Variants in KCNAB3 observed in about 807,000 individuals in gnomAD.
KCNAB3 encodes potassium voltage-gated channel subfamily A regulatory beta subunit 3.
In KCNAB3, 62 loss-of-function variants were observed where a neutral mutation model predicts 67.7. The ratio of observed to expected loss-of-function variants is 0.92; its 90% CI spans 0.75 to 1.13. The LOEUF (loss-of-function observed/expected upper bound fraction) is 1.13. Among genes scored for constraint, KCNAB3 ranks in the 50% most tolerant of loss-of-function variants. KCNAB3 has a pLI of 0.00. For missense variants in KCNAB3, 514 were observed against 522.9 expected, an observed-to-expected ratio of 0.98 and a Z score of 0.17; for synonymous variants, 212 against 205.4, an observed-to-expected ratio of 1.03 and a Z score of -0.27.
At chr17:7,927,215 C>T in intron 4 of KCNAB3, 129 bp downstream of exon 4, 1 of 875,960 alleles carries the variant, frequency 1.1e-6, no homozygotes, top group Non-Finnish European at 1.9e-6. Context: ...TTTCGGGTCC[C>T]TCCGCCAAAA....
At position 7,922,936 on chromosome 17, in the gene KCNAB3, G is replaced by T; in HGVS notation, c.*166C>A. The T allele has an allele frequency of 1.5e-6, 1 of 656,602 alleles. No individual in the cohort carries two copies. Among genetic ancestry groups the T allele is most frequent in the Admixed American group, 2.4e-5 (1 of 42,164 alleles). The allele number at this position is 656,602 out of a possible 1,614,324, so 40.7% of individuals were successfully genotyped here. ...CTCGACCCCACTGCAAAAGGATATG[G>T]CTTTGTTCATGCGTATCACTACTCG... On this transcript the variant is annotated 3_prime_UTR_variant, in exon 14 of 14. Coordinates refer to ENST00000303790, the MANE Select transcript of KCNAB3 (RefSeq NM_004732.4).
Position 7,926,053 on chromosome 17 carries a change from T to A in KCNAB3, c.449+6A>T. ...CATCCCCAGCAACCCCCCAAAACAG[T>A]CTCACCTCCAACCTTTGCTCTTGAG... On this transcript the variant is annotated splice_donor_region_variant and intron_variant, in intron 5 of 13. Coordinates refer to ENST00000303790, the MANE Select transcript of KCNAB3 (RefSeq NM_004732.4). The A allele has an allele frequency of 8.7e-6, 14 of 1,614,062 alleles. No individual in the cohort carries two copies. The highest frequency in any genetic ancestry group is 1.2e-5 in the Non-Finnish European group (14 of 1,180,024).
At chr17:7,928,027 C>A (rs1972294102) in intron 1 of KCNAB3, 3 of 623,112 alleles carry the variant, frequency 4.8e-6, no homozygotes, top group Non-Finnish European at 8.5e-6. Flanking sequence ...GACAAGTGAA[C>A]CATATGTGAC....
At chr17:7,923,581 G>T in intron 12 of KCNAB3, 37 bp from the exon 13 acceptor site, 3 of 1,569,918 alleles carry the variant, frequency 1.9e-6, no homozygotes, top group South Asian at 1.2e-5. Flanking sequence ...GACTGATGGG[G>T]AACAGTGACC....
In KCNAB3 at chr17:7,922,351, T is replaced by G. The variant is rs2151712503; in HGVS notation, c.*751A>C. 1 of 152,300 alleles carries G rather than the reference T, an allele frequency of 6.6e-6. No homozygotes were observed. Among genetic ancestry groups the G allele is most frequent in the Non-Finnish European group, 1.5e-5 (1 of 68,010 alleles). 9.4% of individuals were successfully genotyped at this position (152,300 alleles called of 1,614,324 possible). On this transcript the variant is annotated 3_prime_UTR_variant, in exon 14 of 14. Coordinates refer to ENST00000303790, the MANE Select transcript of KCNAB3 (RefSeq NM_004732.4). Reference sequence around the variant, plus strand: ...ATACCCAGACGTTTTATTTATTTATTTTTTTTAAATCAAGGCGTCCCTGCC... The same window carrying G: ...ATACCCAGACGTTTTATTTATTTATGTTTTTTAAATCAAGGCGTCCCTGCC...
At chr17:7,924,799 G>T in intron 8 of KCNAB3, 2 of 832,952 alleles carry the variant, frequency 2.4e-6, no homozygotes, top group Non-Finnish European at 3.4e-6. Flanking sequence ...ATGTAGTTCA[G>T]TGGTGCAATC....
chr17:7,922,816 GAA>G lies in KCNAB3; in HGVS notation c.*284_*285del. ...AGGGGAGGAGAGTAGGGAGCGAGAC[GAA>G]GTGGCAGAGAGCCGACGGCGAGTAG... On this transcript the variant is annotated 3_prime_UTR_variant, in exon 14 of 14. Transcript: ENST00000303790. 2.0e-6 allele frequency: 1 copy of G among 511,024 alleles called. No homozygotes were observed. Among genetic ancestry groups the G allele is most frequent in the Non-Finnish European group, 3.6e-6 (1 of 280,526 alleles). 31.7% of individuals were successfully genotyped at this position (511,024 alleles called of 1,614,324 possible). A position where few individuals can be genotyped will look rare whatever the true frequency, so the allele number is the denominator to read the frequency against.
intron 4 of KCNAB3, 69 bp from the exon 5 acceptor site, chr17:7,926,172 C>G: frequency 6.4e-7 from 1 of 1,565,074 alleles, no homozygotes; most frequent in Non-Finnish European, 8.8e-7. Flanking sequence ...TCCTCCCCAC[C>G]TTTTCCTCTC....
chr17:7,929,079 G>C lies in KCNAB3; in HGVS notation c.242+115C>G, dbSNP rs1972335195. On this transcript the variant is annotated intron_variant, in intron 1 of 13. Transcript: ENST00000303790. The surrounding 1 kb of genome is among the most constrained non-coding windows in gnomAD (Gnocchi z 5.7). ...GTGCCAGAGACAGAAAGAAGAGATG[G>C]AAAGAAGGGAGACCTACTTAGTGAA... is the stretch of plus-strand genomic sequence containing the variant. The C allele has an allele frequency of 6.9e-7, 1 of 1,444,004 alleles. No individual in the cohort carries two copies. Among genetic ancestry groups the C allele is most frequent in the Non-Finnish European group, 9.3e-7 (1 of 1,077,834 alleles). The allele number at this position is 1,444,004 out of a possible 1,614,324, so 89.4% of individuals were successfully genotyped here.
In KCNAB3 at chr17:7,929,373, C is replaced by T; in HGVS notation, c.63G>A (p.Leu21=). 6.5e-7 allele frequency: 1 copy of T among 1,549,052 alleles called. No individual in the cohort carries two copies. The part of the protein sequence containing the change: ...NLRSRSSEDR[L]CGPRPGPGGG... ...CCCCGGGGCCCGGCCGGGGTCCACA[C>T]AGACGGTCCTCACTGCTCCGGCTGC... Residue 21 remains leucine (L), a synonymous_variant, in exon 1 of 14, where the codon CTG becomes CTA. Transcript: ENST00000303790. The surrounding 1 kb of genome is among the most constrained non-coding windows in gnomAD (Gnocchi z 5.7).
In KCNAB3 at chr17:7,923,051, G is replaced by T; in HGVS notation, c.*51C>A. 6.4e-7 allele frequency: 1 copy of T among 1,555,582 alleles called. No individual in the cohort carries two copies. Among genetic ancestry groups the T allele is most frequent in the Non-Finnish European group, 8.9e-7 (1 of 1,127,406 alleles). On this transcript the variant is annotated 3_prime_UTR_variant, in exon 14 of 14. Transcript: ENST00000303790. ...CGGGAGAGGCGGCTGCGAGGAGCGGGGCTCGGGCGGGTGCAGCGACACCGG... is the reference window on the plus strand; with the variant it reads ...CGGGAGAGGCGGCTGCGAGGAGCGGTGCTCGGGCGGGTGCAGCGACACCGG...
rs367555677 is a variant in KCNAB3 at position 7,926,050 on chromosome 17, C to G, written c.449+9G>C. 3.5e-5 allele frequency: 56 copies of G among 1,614,032 alleles called. No homozygotes were observed. In the African/African-American group the frequency reaches 6.7e-4, roughly 19 times the overall value. ...TCACATCCCCAGCAACCCCCCAAAA[C>G]AGTCTCACCTCCAACCTTTGCTCTT... On this transcript the variant is annotated intron_variant, in intron 5 of 13. Coordinates refer to ENST00000303790, the MANE Select transcript of KCNAB3 (RefSeq NM_004732.4).
At chr17:7,927,446 G>A in intron 3 of KCNAB3, 23 bp from the exon 4 acceptor site, 1 of 1,607,804 alleles carries the variant, frequency 6.2e-7, no homozygotes, top group African/African-American at 1.3e-5. Flanking sequence ...AAGAGGTAAA[G>A]ATCAACTACT....
chr17:7,927,994 G>C (rs1972293124), intron 1 of KCNAB3, 168 bp from the exon 2 acceptor site: 1 of 727,416 alleles, frequency 1.4e-6, no homozygotes, highest in Non-Finnish European at 2.3e-6. Context: ...CCAGAGCAGA[G>C]GTCCTAGGAA....
At position 7,929,195 on chromosome 17, in the gene KCNAB3, T is replaced by A; in HGVS notation, c.241A>T (p.Arg81Trp). 6.2e-7 allele frequency: 1 copy of A among 1,611,448 alleles called. No homozygotes were observed. Among genetic ancestry groups the A allele is most frequent in the Non-Finnish European group, 8.5e-7 (1 of 1,179,456 alleles). Residue 81 changes from arginine to tryptophan, a missense_variant and splice_region_variant, in exon 1 of 14, where the codon AGG (arginine) becomes TGG (tryptophan). By Grantham distance (101) the Arg-to-Trp change is moderately radical (BLOSUM62 -3). Coordinates refer to ENST00000303790, the MANE Select transcript of KCNAB3 (RefSeq NM_004732.4). This position sits in a 1 kb window ranked among gnomAD's most constrained non-coding sequence, Gnocchi z 5.7. ...STGRGTGMKYRNLGKSGLRVS... is the reference protein window; with the variant it reads ...STGRGTGMKYWNLGKSGLRVS... ...TGGGCTGCCCGGCCACCCCCATACC[T>A]GTATTTCATGCCAGTGCCTCGGCCG...
chr17:7,926,862 C>A (rs924823447), intron 4 of KCNAB3, among the ~76,000 whole-genome samples: 1 of 152,020 alleles, frequency 6.6e-6, no homozygotes, highest in African/African-American at 2.4e-5. Flanking sequence ...CCACGAATTG[C>A]GTGTCAGAAG....
intron 8 of KCNAB3, 185 bp from the exon 9 acceptor site, chr17:7,924,685 G>C: frequency 7.3e-7 from 1 of 1,370,274 alleles, no homozygotes; most frequent in Middle Eastern, 2.0e-4. Context: ...GTGGAGTTTT[G>C]GAGGCCTTCT....
chr17:7,929,268 T>G lies in KCNAB3; in HGVS notation c.168A>C (p.Ala56=). 1 of 1,603,742 alleles carries G rather than the reference T, an allele frequency of 6.2e-7. No individual in the cohort carries two copies. The highest frequency in any genetic ancestry group is 8.5e-7 in the Non-Finnish European group (1 of 1,175,982). The change falls in exon 1 of 14, where the codon GCA becomes GCC. Residue 56 remains alanine (A), a synonymous_variant. Transcript: ENST00000303790. The surrounding 1 kb of genome is among the most constrained non-coding windows in gnomAD (Gnocchi z 5.7). The stretch of plus-strand genomic sequence containing the variant: ...CGGGCGCTGGGGGTCGGGGAACCAG[T>G]GCAGCTCGGGCCTTGGGGCCAGACC... ...GGGSGPKARA[A]LVPRPPAPAG... is the part of the protein sequence containing the mutation.
rs539447102 is a variant in KCNAB3, at chr17:7,929,224, C to T, written c.212G>A (p.Ser71Asn). 20 of 1,611,666 alleles carry T rather than the reference C, an allele frequency of 1.2e-5. No individual in the cohort carries two copies. In the South Asian group the frequency reaches 2.0e-4, roughly 16 times the overall value. Reference sequence around the variant, plus strand: ...TTTCATGCCAGTGCCTCGGCCGGTGCTCTCTCGGAGGGCCCCAGCGGGCGC... The same window carrying T: ...TTTCATGCCAGTGCCTCGGCCGGTGTTCTCTCGGAGGGCCCCAGCGGGCGC... ...PPAPAGALRE[S>N]TGRGTGMKYR... The change falls in exon 1 of 14, where the codon AGC becomes AAC. Residue 71 changes from serine to asparagine, a missense_variant. Coordinates refer to ENST00000303790, the MANE Select transcript of KCNAB3 (RefSeq NM_004732.4). The surrounding 1 kb of genome is among the most constrained non-coding windows in gnomAD (Gnocchi z 5.7).
Sources: allele counts gnomAD v4.1 joint callset (sites outside exome capture counted in the v4.1 genomes callset), GRCh38; gene constraint gnomAD v4.1.1; non-coding constraint Gnocchi (gnomAD v3.1); transcripts MANE v1.5; gene names NCBI Gene and HGNC (gene_info 2026-07-23, HGNC 2026-07-21).